The following PRDX4 variants were observed in gnomAD, a reference collection of about 807,000 sequenced individuals.
PRDX4 encodes peroxiredoxin 4, also known as peroxiredoxin-4.
A neutral mutation model predicts 20.5 loss-of-function variants in PRDX4; 12 were observed. That is an observed-to-expected ratio of 0.58 (90% CI 0.37 to 0.95). PRDX4 has a LOEUF of 0.95. PRDX4 is among the 40% of genes least tolerant of loss of function. The pLI is 0.01. For missense variants in PRDX4, 180 were observed against 207.3 expected, an observed-to-expected ratio of 0.87 and a Z score of 0.81; for synonymous variants, 99 against 87.5, an observed-to-expected ratio of 1.13 and a Z score of -0.73.
At chrX:23,682,950 C>CA (rs1928118447) in intron 5 of PRDX4, among the ~76,000 whole-genome samples, 1 of 95,457 alleles carries the variant, frequency 1.0e-5, no homozygotes, top group Non-Finnish European at 2.0e-5. Context: ...TTGATAAACT[C>CA]AAAGACAAAA....
chrX:23,675,068 A>G lies in PRDX4; in HGVS notation c.438A>G (p.Val146=), dbSNP rs144079756. 1.4e-4 allele frequency: 169 copies of G among 1,209,990 alleles called. 1 individual carries two copies. The African/African-American group carries it at 2.3e-3, about 16-fold the overall frequency. ...EEFRSINTEV[V]ACSVDSQFTH... ...TCAGATCTATAAATACTGAAGTGGT[A>G]GCATGCTCTGTTGATTCACAGTTTA... is the stretch of plus-strand genomic sequence containing the variant. The change falls in exon 3 of 7, where the codon GTA becomes GTG. Residue 146 remains valine, a synonymous_variant. Coordinates refer to ENST00000379341, the MANE Select transcript of PRDX4 (RefSeq NM_006406.2).
intron 1 of PRDX4, 81 bp downstream of exon 1, chrX:23,667,892 T>C: frequency 1.0e-5 from 12 of 1,163,990 alleles, no homozygotes; most frequent in Non-Finnish European, 1.4e-5. Context: ...AATCTGGGCT[T>C]GGGCGGCACC....
chrX:23,671,295 C>T, intron 1 of PRDX4: 1 of 311,571 alleles, frequency 3.2e-6, no homozygotes, highest in Non-Finnish European at 5.5e-6. Flanking sequence ...ATGATATCAC[C>T]AATTTTTTTT....
At position 23,667,506 on chromosome X, in the gene PRDX4, T is replaced by TGA. The variant is rs1438799635; in HGVS notation, c.-65_-64insGA. 8.9e-7 allele frequency: 1 copy of TGA among 1,120,598 alleles called. No homozygotes were observed. Among genetic ancestry groups the TGA allele is most frequent in the Non-Finnish European group, 1.2e-6 (1 of 854,157 alleles). The allele number at this position is 1,120,598 out of a possible 1,213,427, so 92.3% of individuals were successfully genotyped here. A position where few individuals can be genotyped will look rare whatever the true frequency, so the allele number is the denominator to read the frequency against. On this transcript the variant is annotated 5_prime_UTR_variant, in exon 1 of 7. Coordinates refer to ENST00000379341, the MANE Select transcript of PRDX4 (RefSeq NM_006406.2). ...CGCGCGGGCGTCGTGCACGCGGTTGTAGCTGCCCGGCGGCGGCAGAAGCGG... is the reference window on the plus strand; with the variant it reads ...CGCGCGGGCGTCGTGCACGCGGTTGTGAAGCTGCCCGGCGGCGGCAGAAGCGG...
At chrX:23,674,939 G>C (rs1927914576) in intron 2 of PRDX4, 51 bp from the exon 3 acceptor site, 1 of 1,177,072 alleles carries the variant, frequency 8.5e-7, no homozygotes, top group African/African-American at 1.8e-5. Flanking sequence ...GAAAGTTTAG[G>C]TATATGCTTA....
At chrX:23,676,375 T>C (rs1198059080) in intron 3 of PRDX4, among the ~76,000 whole-genome samples, 2 of 111,092 alleles carry the variant, frequency 1.8e-5, no homozygotes, top group East Asian at 5.6e-4. Flanking sequence ...TTTGAATTCC[T>C]TAAGTATCTC....
intron 1 of PRDX4, among the ~76,000 whole-genome samples, chrX:23,668,084 G>A (rs913176992): frequency 1.2e-4 from 13 of 112,686 alleles, no homozygotes; most frequent in African/African-American, 3.9e-4. Context: ...TCCCGAGTTT[G>A]CATCGAGGAT....
At chrX:23,686,085 T>C in intron 6 of PRDX4, 200 bp from the exon 7 acceptor site, 1 of 467,360 alleles carries the variant, frequency 2.1e-6, no homozygotes, top group Non-Finnish European at 3.9e-6. Context: ...CAGATGTTAA[T>C]TTATTCACAC....
At chrX:23,677,502 A>C (rs770847533) in intron 3 of PRDX4, among the ~76,000 whole-genome samples, 7 of 111,646 alleles carry the variant, frequency 6.3e-5, no homozygotes, top group Admixed American at 5.7e-4. Flanking sequence ...TAAATCCAAA[A>C]CACTTCTGGT....
At chrX:23,686,081 T>A (rs1928178785) in intron 6 of PRDX4, 1 of 463,856 alleles carries the variant, frequency 2.2e-6, no homozygotes, top group Non-Finnish European at 3.9e-6. Context: ...AGTACAGATG[T>A]TAATTTATTC....
chrX:23,669,344 A>G (rs997914249), intron 1 of PRDX4, among the ~76,000 whole-genome samples: 2 of 112,300 alleles, frequency 1.8e-5, no homozygotes, highest in Non-Finnish European at 3.8e-5. Flanking sequence ...GTTTACTTAC[A>G]TTACATATAT....
intron 1 of PRDX4, among the ~76,000 whole-genome samples, chrX:23,669,579 G>GA (rs1032970502): frequency 9.0e-6 from 1 of 110,694 alleles, no homozygotes; most frequent in African/African-American, 3.3e-5. Flanking sequence ...CCTTTAAGGA[G>GA]AAAAAAAAGG....
At chrX:23,672,521 C>T (rs1287586154) in intron 2 of PRDX4, among the ~76,000 whole-genome samples, 1 of 111,966 alleles carries the variant, frequency 8.9e-6, no homozygotes, top group Non-Finnish European at 1.9e-5. Flanking sequence ...AATACCCTTA[C>T]AGCTTTATTC....
chrX:23,672,084 A>G (rs758571482), intron 2 of PRDX4, among the ~76,000 whole-genome samples: 1 of 111,520 alleles, frequency 9.0e-6, no homozygotes, highest in Non-Finnish European at 1.9e-5. Context: ...AACATGGTAA[A>G]ACCCCATCTC....
At chrX:23,672,483 T>C (rs751987137) in intron 2 of PRDX4, among the ~76,000 whole-genome samples, 1 of 111,949 alleles carries the variant, frequency 8.9e-6, no homozygotes, top group Non-Finnish European at 1.9e-5. Flanking sequence ...AGCGTTTTTG[T>C]ATATGGTCAG....
chrX:23,676,725 G>A (rs1927956535), intron 3 of PRDX4, among the ~76,000 whole-genome samples: 1 of 108,328 alleles, frequency 9.2e-6, no homozygotes. Flanking sequence ...CTAGGTGGTC[G>A]AGGCTGTAGT....
chrX:23,669,434 C>G (rs997054241), intron 1 of PRDX4, among the ~76,000 whole-genome samples: 3 of 111,996 alleles, frequency 2.7e-5, no homozygotes, highest in African/African-American at 9.7e-5. Context: ...CTACATTTCT[C>G]TGTCACATGT....
At chrX:23,669,219 C>T (rs930221440) in intron 1 of PRDX4, among the ~76,000 whole-genome samples, 6 of 111,888 alleles carry the variant, frequency 5.4e-5, no homozygotes, top group South Asian at 7.5e-4. Context: ...CCACGGTGCC[C>T]AGCCTACTTT....
In PRDX4 at chrX:23,679,977, G is replaced by A. The variant is rs1020584290; in HGVS notation, c.599+690G>A. Among the ~76,000 whole-genome samples the A allele has an allele frequency of 7.3e-5, 8 of 108,953 alleles. No homozygotes were observed. In the South Asian group the frequency reaches 1.2e-3, roughly 17 times the overall value. The allele number at this position is 108,953 out of a possible 115,157, so 94.6% of individuals were successfully genotyped here. ...AGCCCAGGCGACAGAGCAAGACTCC[G>A]TCTCAAAAAGAAAAAAAGAAAGAAA... On this transcript the variant is annotated intron_variant, in intron 4 of 6. Transcript: ENST00000379341.
Sources: allele counts gnomAD v4.1 joint callset (sites outside exome capture counted in the v4.1 genomes callset), GRCh38; gene constraint gnomAD v4.1.1; transcripts MANE v1.5; gene names NCBI Gene and HGNC (gene_info 2026-07-23, HGNC 2026-07-21).